Variants in ECHDC2 observed in about 807,000 individuals in gnomAD.
The protein encoded by ECHDC2 is enoyl-CoA hydratase domain containing 2, also known as enoyl-CoA hydratase domain-containing protein 2, mitochondrial.
In ECHDC2, 34 loss-of-function variants were observed where a neutral mutation model predicts 40.6. The ratio of observed to expected loss-of-function variants is 0.84; its 90% CI spans 0.64 to 1.11. The LOEUF (loss-of-function observed/expected upper bound fraction) is 1.11. Ranked by LOEUF, ECHDC2 falls within the 50% of genes most tolerant of loss-of-function variation. The pLI is 0.00. For synonymous variants in ECHDC2, 162 were observed against 166.6 expected (o/e 0.97, Z 0.21); for missense variants, 392 against 400.7 (o/e 0.98, Z 0.19).
rs1397317079 is a variant in ECHDC2 at position 52,905,012 on chromosome 1, C to T, written c.514+22G>A. Reference sequence around the variant, plus strand: ...GGACCCTGGATGGGGTGGAATTGGGCGGGTGCTGTAGTTGCGATTACCTGC... The same window carrying T: ...GGACCCTGGATGGGGTGGAATTGGGTGGGTGCTGTAGTTGCGATTACCTGC... On this transcript the variant is annotated intron_variant, in intron 6 of 9. Coordinates refer to ENST00000371522, the MANE Select transcript of ECHDC2 (RefSeq NM_001198961.2). 4.3e-6 allele frequency: 7 copies of T among 1,613,956 alleles called. No homozygotes were observed. In the African/African-American group the frequency reaches 8.0e-5, roughly 18 times the overall value.
At chr1:52,897,544 A>G in intron 8 of ECHDC2, 60 bp from the exon 9 acceptor site, 1 of 1,552,330 alleles carries the variant, frequency 6.4e-7, no homozygotes, top group South Asian at 1.1e-5. Context: ...CCCACACTGG[A>G]AGCCAGCCCA....
rs1247117453 is a variant in ECHDC2, at chr1:52,896,487, A to G, written c.*33T>C. The G allele has an allele frequency of 6.4e-7, 1 of 1,559,634 alleles. No individual in the cohort carries two copies. The highest frequency in any genetic ancestry group is 8.8e-7 in the Non-Finnish European group (1 of 1,130,316). The stretch of plus-strand genomic sequence containing the variant: ...CCTTCTGGATCCTGCTCTTCAGGGC[A>G]TGCATCTCCCATGCTGAAGGTTAAA... On this transcript the variant is annotated 3_prime_UTR_variant, in exon 10 of 10. Transcript: ENST00000371522.
At position 52,906,620 on chromosome 1, in the gene ECHDC2, A is replaced by G; in HGVS notation, c.365-9T>C. ...GGGTGCAGGGAAGGCTGCTGTGGAG[A>G]GGAAGAAAGGCTCAGCCTGCAAAGC... On this transcript the variant is annotated splice_polypyrimidine_tract_variant and intron_variant, in intron 4 of 9. Transcript: ENST00000371522. The G allele has an allele frequency of 1.2e-6, 2 of 1,601,262 alleles. No homozygotes were observed. The highest frequency in any genetic ancestry group is 8.5e-7 in the Non-Finnish European group (1 of 1,172,996).
chr1:52,906,944 T>TTG (rs202109988), intron 4 of ECHDC2: 6,173 of 153,650 alleles, frequency 0.04, 458 homozygotes, highest in African/African-American at 0.14. Context: ...TTTTTGTATT[T>TTG]TTTTTTTTTT....
intron 1 of ECHDC2, chr1:52,913,550 C>A (rs1452614603): frequency 6.6e-6 from 1 of 152,216 alleles, no homozygotes; most frequent in African/African-American, 2.4e-5. Flanking sequence ...TCCACTTGAT[C>A]GTTTTCTGCT....
chr1:52,913,993 C>T, intron 1 of ECHDC2: 1 of 1,206,016 alleles, frequency 8.3e-7, no homozygotes, highest in Non-Finnish European at 1.1e-6. Context: ...TCTTCATTCA[C>T]TCATTTGTAC....
chr1:52,907,733 C>G (rs1188550512), intron 4 of ECHDC2, 135 bp downstream of exon 4: 1 of 740,798 alleles, frequency 1.3e-6, no homozygotes, highest in Non-Finnish European at 2.2e-6. Context: ...CCTCCATCCC[C>G]CTGGGTGAGT....
chr1:52,904,532 G>T, intron 7 of ECHDC2, 114 bp downstream of exon 7: 1 of 945,552 alleles, frequency 1.1e-6, no homozygotes, highest in Admixed American at 3.1e-5. Context: ...ACTCCAAAGA[G>T]GGTTAATCAT....
At chr1:52,913,675 C>A (rs1256223865) in intron 1 of ECHDC2, 3 of 156,268 alleles carry the variant, frequency 1.9e-5, no homozygotes, top group Non-Finnish European at 4.2e-5. Context: ...CACCTATACT[C>A]CCTGGCCCTA....
At chr1:52,902,183 A>G (rs1231140970) in intron 7 of ECHDC2, 1 of 152,182 alleles carries the variant, frequency 6.6e-6, no homozygotes, top group Non-Finnish European at 1.5e-5. Context: ...TATTAACAGA[A>G]TCTTGCTCTG....
At chr1:52,909,495 C>T (rs1013835943) in intron 3 of ECHDC2, among the ~76,000 whole-genome samples, 10 of 147,546 alleles carry the variant, frequency 6.8e-5, no homozygotes, top group Non-Finnish European at 1.5e-4. Flanking sequence ...ACATAAAATA[C>T]ACTAACACCA....
intron 3 of ECHDC2, among the ~76,000 whole-genome samples, chr1:52,911,100 C>T (rs1649369524): frequency 6.6e-6 from 1 of 152,164 alleles, no homozygotes; most frequent in Non-Finnish European, 1.5e-5. Flanking sequence ...CCTCAGCCTC[C>T]TGAGTAGCTG....
chr1:52,920,384 G>C (rs868530600), intron 1 of ECHDC2: 25 of 720,622 alleles, frequency 3.5e-5, no homozygotes, highest in African/African-American at 2.4e-4. Context: ...CAATACTGCT[G>C]GGGAAGGGGC....
At chr1:52,897,084 G>A (rs1571898160) in intron 9 of ECHDC2, 6 of 391,024 alleles carry the variant, frequency 1.5e-5, no homozygotes, top group Non-Finnish European at 2.8e-5. Context: ...ATTGAACACA[G>A]CCTGCAGGCT....
At chr1:52,911,947 A>G (rs1241073417) in intron 1 of ECHDC2, 157 bp from the exon 2 acceptor site, 1 of 1,446,374 alleles carries the variant, frequency 6.9e-7, no homozygotes, top group Non-Finnish European at 9.1e-7. Flanking sequence ...GCAGGCCTCA[A>G]TTTTCCCAAC....
intron 9 of ECHDC2, chr1:52,896,840 A>C (rs1646666551): frequency 6.0e-6 from 3 of 497,254 alleles, no homozygotes; most frequent in East Asian, 3.2e-5. Context: ...CACTGCTTTC[A>C]TGCCTCCTGA....
At chr1:52,899,334 T>G in intron 7 of ECHDC2, 110 bp from the exon 8 acceptor site, 2 of 979,244 alleles carry the variant, frequency 2.0e-6, no homozygotes, top group Non-Finnish European at 3.1e-6. Flanking sequence ...TGGGTCTGGT[T>G]CCAGCCATTC....
In ECHDC2 at chr1:52,896,870, A is replaced by C. The variant is rs1646668757; in HGVS notation, c.802-273T>G. On this transcript the variant is annotated intron_variant, in intron 9 of 9. Transcript: ENST00000371522. ...TCCTGAGAACTCAGCTGCCGTCTGC[A>C]GTGGTCTGACATGAGGCTGCTCAGT... The C allele has an allele frequency of 6.6e-6, 3 of 456,908 alleles. No homozygotes were observed. The Admixed American group carries it at 9.9e-5, about 15-fold the overall frequency. The allele number at this position is 456,908 out of a possible 1,614,324, so 28.3% of individuals were successfully genotyped here.
chr1:52,907,745 A>G (rs1648280607), intron 4 of ECHDC2, 123 bp downstream of exon 4: 4 of 822,636 alleles, frequency 4.9e-6, no homozygotes, highest in Non-Finnish European at 7.7e-6. Flanking sequence ...TGGGTGAGTC[A>G]TCTGTCTTAT....
Sources: allele counts gnomAD v4.1 joint callset (sites outside exome capture counted in the v4.1 genomes callset), GRCh38; gene constraint gnomAD v4.1.1; transcripts MANE v1.5; gene names NCBI Gene and HGNC (gene_info 2026-07-23, HGNC 2026-07-21).